The following MEI1 variants were observed in gnomAD, a reference collection of about 807,000 sequenced individuals.
MEI1 encodes the protein meiosis inhibitor protein 1.
MEI1 carries 103 observed loss-of-function variants against 146.2 expected under a neutral mutation model. The ratio of observed to expected loss-of-function variants is 0.70; its 90% confidence interval spans 0.60 to 0.83. The LOEUF is 0.83. MEI1 is among the 40% of genes least tolerant of loss of function. The pLI is 0.00. For synonymous variants in MEI1, 652 were observed against 628.2 expected, an observed-to-expected ratio of 1.04 and a Z score of -0.57; for missense variants, 1,529 against 1,533.0, an observed-to-expected ratio of 1.00 and a Z score of 0.04.
chr22:41,792,880 A>C (rs1602188297), intron 26 of MEI1, among the ~76,000 whole-genome samples: 1 of 149,536 alleles, frequency 6.7e-6, no homozygotes, highest in East Asian at 2.0e-4. Flanking sequence ...TCATGTGCTT[A>C]TTAGAGCATA....
At chr22:41,785,894 T>A (rs1190428393) in intron 26 of MEI1, among the ~76,000 whole-genome samples, 4 of 138,328 alleles carry the variant, frequency 2.9e-5, no homozygotes, top group African/African-American at 1.0e-4. Context: ...TTTATTTTTT[T>A]ATTTTTTTAT....
At chr22:41,730,747 A>C (rs1211527398) in intron 9 of MEI1, 110 bp downstream of exon 9, 3 of 682,600 alleles carry the variant, frequency 4.4e-6, no homozygotes, top group Admixed American at 4.6e-5. Flanking sequence ...GGGAGCACTG[A>C]GTCTAGACAT....
intron 4 of MEI1, among the ~76,000 whole-genome samples, chr22:41,715,585 C>T (rs1280992118): frequency 2.0e-5 from 3 of 151,964 alleles, no homozygotes; most frequent in South Asian, 2.1e-4. Context: ...TTAGTAGAGA[C>T]GGGGTTTCAC....
intron 11 of MEI1, among the ~76,000 whole-genome samples, chr22:41,737,388 C>G (rs1451996589): frequency 6.6e-6 from 1 of 152,070 alleles, no homozygotes; most frequent in African/African-American, 2.4e-5. Flanking sequence ...AGGCGCCCAC[C>G]ACCACGCCCA....
In MEI1 at chr22:41,744,487, T is replaced by TAAAGGAGCTATTTGCAAGGATA. The variant is rs1569233115; in HGVS notation, c.1447-486_1447-485insAAAGGAGCTATTTGCAAGGATA. Among the ~76,000 whole-genome samples, 30 of 28,200 alleles carry TAAAGGAGCTATTTGCAAGGATA rather than the reference T, an allele frequency of 1.1e-3. 2 individuals carry two copies. Among genetic ancestry groups the TAAAGGAGCTATTTGCAAGGATA allele is most frequent in the Non-Finnish European group, 1.4e-3 (19 of 13,694 alleles). 18.5% of individuals were successfully genotyped at this position (28,200 alleles called of 152,430 possible). ...ATGCCCAGCTTTGCTATGATTTTTTTTTTTTTTTTTTTTTTTTTTTTTTTT... is the reference window on the plus strand; with the variant it reads ...ATGCCCAGCTTTGCTATGATTTTTTTAAAGGAGCTATTTGCAAGGATATTTTTTTTTTTTTTTTTTTTTTTTT... On this transcript the variant is annotated intron_variant, in intron 12 of 30. Transcript: ENST00000401548.
chr22:41,766,483 A>G (rs1358478986), intron 19 of MEI1, among the ~76,000 whole-genome samples: 2 of 150,562 alleles, frequency 1.3e-5, no homozygotes, highest in Admixed American at 6.6e-5. Context: ...AATTCCTTCT[A>G]TATTTTTTAG....
intron 3 of MEI1, among the ~76,000 whole-genome samples, chr22:41,706,883 A>G (rs2069133127): frequency 6.6e-6 from 1 of 152,042 alleles, no homozygotes; most frequent in African/African-American, 2.4e-5. Flanking sequence ...TTTGAATAGA[A>G]AAAAACTTTA....
intron 3 of MEI1, among the ~76,000 whole-genome samples, chr22:41,711,442 ATCATTTTCCT>A (rs2069559434): frequency 6.6e-6 from 1 of 152,094 alleles, no homozygotes; most frequent in Admixed American, 6.6e-5. Flanking sequence ...ATTTTCCTTC[ATCATTTTCCT>A]TCTAGGCCAC....
chr22:41,739,137 A>G (rs1569220414), intron 11 of MEI1, among the ~76,000 whole-genome samples: 3 of 78,014 alleles, frequency 3.8e-5, no homozygotes. Context: ...TCTACTAAAA[A>G]TACAAAAAAA....
intron 11 of MEI1, among the ~76,000 whole-genome samples, chr22:41,741,658 T>C (rs1183161331): frequency 1.3e-5 from 2 of 152,244 alleles, no homozygotes; most frequent in African/African-American, 4.8e-5. Flanking sequence ...TCCCCAATAC[T>C]TCTATAGACT....
intron 6 of MEI1, among the ~76,000 whole-genome samples, chr22:41,721,445 C>T (rs971812608): frequency 4.0e-5 from 6 of 150,630 alleles, no homozygotes; most frequent in South Asian, 2.1e-4. Flanking sequence ...GGGGTTTCAC[C>T]GTGTTAGCCA....
intron 20 of MEI1, among the ~76,000 whole-genome samples, chr22:41,774,695 T>A (rs1375145137): frequency 6.6e-6 from 1 of 152,230 alleles, no homozygotes; most frequent in African/African-American, 2.4e-5. Flanking sequence ...CTGCCCCAGT[T>A]TTCTCATTTG....
At chr22:41,794,532 C>A in intron 28 of MEI1, 55 bp downstream of exon 28, 1 of 1,440,526 alleles carries the variant, frequency 6.9e-7, no homozygotes, top group Non-Finnish European at 9.8e-7. Context: ...CTGGGTGGTG[C>A]TGAAGAGGCC....
chr22:41,743,457 GA>G (rs10706108), intron 12 of MEI1, among the ~76,000 whole-genome samples: 126,914 of 152,116 alleles, frequency 0.83, 53,894 homozygotes, highest in African/African-American at 0.96. Flanking sequence ...CCTAAGCCTA[GA>G]ACAGTAAATT....
At chr22:41,705,792 C>G (rs909537176) in intron 3 of MEI1, among the ~76,000 whole-genome samples, 2 of 149,446 alleles carry the variant, frequency 1.3e-5, no homozygotes, top group African/African-American at 4.9e-5. Context: ...ACTGCAACCT[C>G]TGCCTCGCGG....
intron 4 of MEI1, among the ~76,000 whole-genome samples, chr22:41,715,318 C>T (rs148906420): frequency 1.2e-3 from 176 of 152,142 alleles, no homozygotes; most frequent in African/African-American, 4.1e-3. Flanking sequence ...TATTGACTCT[C>T]CCTGTAAAGC....
At chr22:41,785,269 T>A (rs1256657714) in intron 26 of MEI1, among the ~76,000 whole-genome samples, 5 of 150,046 alleles carry the variant, frequency 3.3e-5, no homozygotes, top group African/African-American at 5.0e-5. Flanking sequence ...TTATTTATTT[T>A]TATTATTTTT....
At chr22:41,718,419 C>T in intron 6 of MEI1, 145 bp downstream of exon 6, 1 of 703,268 alleles carries the variant, frequency 1.4e-6, no homozygotes, top group Non-Finnish European at 2.3e-6. Context: ...AAGAGACACA[C>T]TGTGTGAAAG....
rs60766866 is a variant in MEI1, at chr22:41,798,116, AACACACACACACACACACACAC to A, written c.3780-1104_3780-1083del. On this transcript the variant is annotated intron_variant, in intron 30 of 30. Transcript: ENST00000401548. ...AGTTGGTTCAAGTGATCCTCAGCCC[AACACACACACACACACACACAC>A]ACACACACACACACACACACACACA... 3.5e-3 allele frequency among the ~76,000 whole-genome samples: 473 copies of A among 135,838 alleles called. 2 individuals carry two copies. Among genetic ancestry groups the A allele is most frequent in the African/African-American group, 8.9e-3 (322 of 36,034 alleles). 89.1% of individuals were successfully genotyped at this position (135,838 alleles called of 152,430 possible).
Sources: allele counts gnomAD v4.1 joint callset (sites outside exome capture counted in the v4.1 genomes callset), GRCh38; gene constraint gnomAD v4.1.1; transcripts MANE v1.5; gene names NCBI Gene and HGNC (gene_info 2026-07-23, HGNC 2026-07-21).